Variants in IL21R observed in about 807,000 individuals in gnomAD.
The protein encoded by IL21R is interleukin-21 receptor.
IL21R carries 14 observed loss-of-function variants against 41.3 expected under a neutral mutation model. The observed-to-expected ratio is 0.34, with a 90% CI of 0.22 to 0.53. The LOEUF (loss-of-function observed/expected upper bound fraction) is 0.53, where lower values mean the gene tolerates loss of function less well. Among genes scored for constraint, IL21R ranks in the 20% least tolerant of loss-of-function variants. The pLI, the probability that IL21R is intolerant of heterozygous loss-of-function variation, is 0.94. For synonymous variants in IL21R, 286 were observed against 287.6 expected (o/e 0.99, Z 0.05); for missense variants, 588 against 681.6 (o/e 0.86, Z 1.53).
chr16:27,405,466 T>C (rs2086727843), intron 1 of IL21R, among the ~76,000 whole-genome samples: 1 of 152,144 alleles, frequency 6.6e-6, no homozygotes, highest in African/African-American at 2.4e-5. Context: ...TGATTCTGCT[T>C]CCCCCCTTTT....
chr16:27,438,817 C>A (rs1242588662), intron 4 of IL21R, among the ~76,000 whole-genome samples: 1 of 152,190 alleles, frequency 6.6e-6, no homozygotes, highest in Non-Finnish European at 1.5e-5. Flanking sequence ...TTGCAATGAG[C>A]CAAGATCATG....
In IL21R at chr16:27,448,509, G is replaced by GT. The variant is rs750803442; in HGVS notation, c.868-25_868-24insT. ...TCACCTTACCCTCATCCTGTGCTAT[G>GT]ACTCTCTCTTTTTCTCTCTCACAGA... On this transcript the variant is annotated intron_variant, in intron 8 of 8. Transcript: ENST00000337929. 4 of 1,570,784 alleles carry GT rather than the reference G, an allele frequency of 2.5e-6. No individual in the cohort carries two copies. The African/African-American group carries it at 5.5e-5, about 21-fold the overall frequency.
chr16:27,421,801 T>C (rs2087005107), intron 1 of IL21R, among the ~76,000 whole-genome samples: 1 of 152,156 alleles, frequency 6.6e-6, no homozygotes, highest in Admixed American at 6.5e-5. Context: ...GATCATATTA[T>C]CTGCAAAGAG....
rs542636343 is a variant in IL21R, at chr16:27,451,612, G to A, written c.*2329G>A. ...TGCTTGCCTATAGTCCCAGCTACTCGGGAGGCTAAGGTGGGAGGATCGCTG... is the reference window on the plus strand; with the variant it reads ...TGCTTGCCTATAGTCCCAGCTACTCAGGAGGCTAAGGTGGGAGGATCGCTG... On this transcript the variant is annotated 3_prime_UTR_variant, in exon 9 of 9. Transcript: ENST00000337929. 34 of 214,286 alleles carry A rather than the reference G, an allele frequency of 1.6e-4. No individual in the cohort carries two copies. The highest frequency in any genetic ancestry group is 7.0e-4 in the African/African-American group (31 of 44,300). 13.3% of individuals were successfully genotyped at this position (214,286 alleles called of 1,614,324 possible). A position where few individuals can be genotyped will look rare whatever the true frequency, so the allele number is the denominator to read the frequency against.
intron 6 of IL21R, 23 bp from the exon 7 acceptor site, chr16:27,445,154 C>T (rs1299310244): frequency 6.4e-7 from 1 of 1,567,252 alleles, no homozygotes; most frequent in Non-Finnish European, 8.8e-7. Context: ...TGCCATTTAA[C>T]CCTTTCTTTG....
intron 7 of IL21R, 67 bp from the exon 8 acceptor site, chr16:27,445,940 C>T (rs938601650): frequency 1.6e-5 from 20 of 1,247,332 alleles, no homozygotes; most frequent in Middle Eastern, 1.9e-4. Context: ...AGCTGGGGAG[C>T]GTCCGAATGG....
intron 1 of IL21R, among the ~76,000 whole-genome samples, chr16:27,413,104 A>G (rs922890729): frequency 6.6e-6 from 1 of 152,162 alleles, no homozygotes; most frequent in Non-Finnish European, 1.5e-5. Flanking sequence ...GGCTTTTTAT[A>G]TATAAACTTT....
chr16:27,419,112 G>A (rs2086956218), intron 1 of IL21R, among the ~76,000 whole-genome samples: 1 of 152,132 alleles, frequency 6.6e-6, no homozygotes, highest in Admixed American at 6.5e-5. Context: ...CTACTTGGGA[G>A]GCTGAGACAG....
chr16:27,444,644 C>T lies in IL21R; in HGVS notation c.610C>T (p.Pro204Ser). ...SSYELQVRAG[P>S]MPGSSYQGTW... is the part of the protein sequence containing the mutation. ...CTATGAGCTGCAGGTGCGGGCAGGG[C>T]CCATGCCTGGCTCCTCCTACCAGGG... Residue 204 changes from proline to serine, a missense_variant, in exon 6 of 9, where the codon CCC becomes TCC. By Grantham distance (74) the Pro-to-Ser change is moderately conservative. Transcript: ENST00000337929. 6.3e-7 allele frequency: 1 copy of T among 1,585,822 alleles called. No homozygotes were observed.
chr16:27,429,202 C>T (rs1430679505), intron 1 of IL21R, among the ~76,000 whole-genome samples: 5 of 151,572 alleles, frequency 3.3e-5, no homozygotes, highest in Admixed American at 1.3e-4. Flanking sequence ...CCAGCCTGGG[C>T]GATAGAGTGA....
At chr16:27,441,480 C>G (rs1341795040) in intron 4 of IL21R, among the ~76,000 whole-genome samples, 2 of 152,196 alleles carry the variant, frequency 1.3e-5, no homozygotes, top group Non-Finnish European at 2.9e-5. Flanking sequence ...TGAGGACCAT[C>G]AGATTGGCCT....
At chr16:27,423,084 C>T (rs906252550) in intron 1 of IL21R, among the ~76,000 whole-genome samples, 1 of 152,114 alleles carries the variant, frequency 6.6e-6, no homozygotes, top group African/African-American at 2.4e-5. Context: ...AGTTTTCCCA[C>T]CTATTAGCAG....
At chr16:27,417,429 T>G (rs2086907507) in intron 1 of IL21R, among the ~76,000 whole-genome samples, 2 of 152,228 alleles carry the variant, frequency 1.3e-5, no homozygotes, top group East Asian at 3.8e-4. Context: ...GGCCTCCCAG[T>G]ATGCTGGGAT....
In IL21R at chr16:27,425,717, G is replaced by A. The variant is rs374105527; in HGVS notation, c.-16-4339G>A. ...ATTATAGGCACACACCATCACACCC[G>A]GCTAATTTTTGTATTTTTAGTAGAG... On this transcript the variant is annotated intron_variant, in intron 1 of 8. Transcript: ENST00000337929. Among the ~76,000 whole-genome samples, 66 of 152,014 alleles carry A rather than the reference G, an allele frequency of 4.3e-4. 1 individual carries two copies. In the East Asian group the frequency reaches 0.011, roughly 25 times the overall value.
At chr16:27,422,821 G>A (rs1231206722) in intron 1 of IL21R, among the ~76,000 whole-genome samples, 1 of 152,172 alleles carries the variant, frequency 6.6e-6, no homozygotes, top group African/African-American at 2.4e-5. Flanking sequence ...TGGACATTAT[G>A]TATAAAAAGT....
In IL21R at chr16:27,448,623, CCACCCA is replaced by C; in HGVS notation, c.959_964del (p.His320_Pro321del). On this transcript the variant is annotated inframe_deletion, in exon 9 of 9. Transcript: ENST00000337929. ...CCTCCACCCTGGAGGTGTACAGCTG[CCACCCA>C]CCACGGAGCCCGGCCAAGAGGCTGC... is the stretch of plus-strand genomic sequence containing the variant. 1 of 1,613,138 alleles carries C rather than the reference CCACCCA, an allele frequency of 6.2e-7. No individual in the cohort carries two copies. Among genetic ancestry groups the C allele is most frequent in the Non-Finnish European group, 8.5e-7 (1 of 1,180,010 alleles).
intron 8 of IL21R, 136 bp downstream of exon 8, chr16:27,446,224 G>T (rs2087476813): frequency 5.0e-6 from 3 of 602,138 alleles, no homozygotes; most frequent in Non-Finnish European, 8.6e-6. Context: ...CACAAGCCAG[G>T]CCTCAGTTTC....
chr16:27,424,811 AGGTTT>A (rs1370009856), intron 1 of IL21R, among the ~76,000 whole-genome samples: 1 of 152,156 alleles, frequency 6.6e-6, no homozygotes, highest in Non-Finnish European at 1.5e-5. Flanking sequence ...TAAAGAAAAG[AGGTTT>A]AATTGGCTCA....
intron 1 of IL21R, among the ~76,000 whole-genome samples, chr16:27,429,250 A>T (rs985856192): frequency 1.3e-5 from 2 of 151,658 alleles, no homozygotes; most frequent in African/African-American, 4.8e-5. Flanking sequence ...AAGCCAATTT[A>T]CTGGCTTTTT....
Sources: gnomAD v4.1 joint callset for allele counts (sites outside exome capture counted in the v4.1 genomes callset) on GRCh38, gnomAD v4.1.1 for gene constraint, MANE v1.5 for transcripts, NCBI Gene and HGNC (gene_info 2026-07-23, HGNC 2026-07-21) for gene names.